COL14A1: variants seen among roughly 807,000 people sequenced by gnomAD.
COL14A1 encodes collagen alpha-1(XIV) chain.
COL14A1 carries 136 observed loss-of-function variants against 230.3 expected under a neutral mutation model. That is an observed-to-expected ratio of 0.59 (90% confidence interval 0.51 to 0.68). The LOEUF (loss-of-function observed/expected upper bound fraction) is 0.68. Ranked by LOEUF, COL14A1 falls within the 30% of genes least tolerant of loss-of-function variation. The pLI is 0.00. For missense variants in COL14A1, 1,976 were observed against 2,215.8 expected (o/e 0.89, Z 2.17); for synonymous variants, 792 against 784.1 (o/e 1.01, Z -0.17).
intron 25 of COL14A1, among the ~76,000 whole-genome samples, chr8:120,268,742 C>A (rs1163593628): frequency 6.6e-6 from 1 of 151,630 alleles, no homozygotes; most frequent in African/African-American, 2.4e-5. Context: ...CTTTCTACCC[C>A]AGAGGTAACT....
At chr8:120,276,111 G>GTT (rs955368453) in intron 26 of COL14A1, among the ~76,000 whole-genome samples, 2 of 149,852 alleles carry the variant, frequency 1.3e-5, no homozygotes, top group Non-Finnish European at 3.0e-5. Context: ...TAAAGACAAT[G>GTT]TTATATATAT....
Position 120,226,781 on chromosome 8 carries a change from A to G in COL14A1, c.2004+15A>G. The G allele has an allele frequency of 6.2e-7, 1 of 1,610,698 alleles. No individual in the cohort carries two copies. Among genetic ancestry groups the G allele is most frequent in the Non-Finnish European group, 8.5e-7 (1 of 1,177,762 alleles). ...AGACTGAGGAGGTGAGTTTTCTGAA[A>G]CAGACTGAAAATTAATCTGGAGCAT... On this transcript the variant is annotated intron_variant, in intron 16 of 47. Transcript: ENST00000297848.
intron 4 of COL14A1, among the ~76,000 whole-genome samples, chr8:120,166,908 G>GTGTGTGTC (rs1815906173): frequency 6.7e-6 from 1 of 149,510 alleles, no homozygotes; most frequent in Non-Finnish European, 1.5e-5. Context: ...GTGTGTGTGT[G>GTGTGTGTC]TGTGTGTGTG....
At chr8:120,227,639 C>A (rs951918187) in intron 17 of COL14A1, among the ~76,000 whole-genome samples, 3 of 152,016 alleles carry the variant, frequency 2.0e-5, no homozygotes, top group African/African-American at 7.3e-5. Flanking sequence ...AGAGTAAACA[C>A]CCATCAAATG....
chr8:120,263,098 A>T (rs566736954), intron 24 of COL14A1, 84 bp downstream of exon 24: 1 of 1,407,804 alleles, frequency 7.1e-7, no homozygotes, highest in South Asian at 1.6e-5. Context: ...CCCATTTAGA[A>T]AAATATTAGC....
chr8:120,160,494 C>T (rs185830284), intron 3 of COL14A1, among the ~76,000 whole-genome samples: 4 of 152,294 alleles, frequency 2.6e-5, no homozygotes, highest in Admixed American at 2.6e-4. Flanking sequence ...CTTCAATCCT[C>T]TCTTGAAGAG....
chr8:120,233,830 A>C (rs1381831557), intron 19 of COL14A1, among the ~76,000 whole-genome samples: 2 of 152,214 alleles, frequency 1.3e-5, no homozygotes, highest in Admixed American at 6.5e-5. Context: ...TGAAATTTAA[A>C]GTAGTTTTTT....
chr8:120,213,286 A>G (rs1294253421), intron 13 of COL14A1, among the ~76,000 whole-genome samples: 2 of 152,202 alleles, frequency 1.3e-5, no homozygotes, highest in African/African-American at 4.8e-5. Context: ...CTTACCACAT[A>G]CTATTAAAAT....
chr8:120,311,420 G>A (rs1388685469), intron 37 of COL14A1, among the ~76,000 whole-genome samples: 5 of 152,140 alleles, frequency 3.3e-5, no homozygotes, highest in Admixed American at 1.3e-4. Context: ...AAATGAGTTC[G>A]TAGATGTTTG....
intron 1 of COL14A1, among the ~76,000 whole-genome samples, chr8:120,137,440 T>C (rs998372273): frequency 3.3e-5 from 5 of 152,108 alleles, no homozygotes; most frequent in Non-Finnish European, 2.9e-5. Context: ...TCTACTAATG[T>C]TTTCTATTTC....
intron 46 of COL14A1, 67 bp from the exon 47 acceptor site, chr8:120,369,263 T>G: frequency 7.0e-7 from 1 of 1,432,080 alleles, no homozygotes; most frequent in Non-Finnish European, 9.2e-7. Context: ...GTTTACTTCT[T>G]GGTTGTCTCA....
chr8:120,373,218 A>AC lies in COL14A1; in HGVS notation c.*1988dup, dbSNP rs1350146911. On this transcript the variant is annotated 3_prime_UTR_variant, in exon 48 of 48. Transcript: ENST00000297848. ...AGTTTGTGTATAAATGGCGAAGTAT[A>AC]CACTATGAGAGATTCTAATCCATTC... is the stretch of plus-strand genomic sequence containing the variant. Among the ~76,000 whole-genome samples, 1 of 152,046 alleles carries AC rather than the reference A, an allele frequency of 6.6e-6. No homozygotes were observed. The highest frequency in any genetic ancestry group is 1.5e-5 in the Non-Finnish European group (1 of 68,040).
intron 19 of COL14A1, among the ~76,000 whole-genome samples, chr8:120,238,933 G>A (rs1818535256): frequency 6.6e-6 from 1 of 152,184 alleles, no homozygotes; most frequent in African/African-American, 2.4e-5. Flanking sequence ...TCCATGGGCT[G>A]CACCCACTGT....
At chr8:120,150,694 A>G (rs958823106) in intron 2 of COL14A1, among the ~76,000 whole-genome samples, 1 of 152,164 alleles carries the variant, frequency 6.6e-6, no homozygotes, top group African/African-American at 2.4e-5. Context: ...GAGTTTAAAC[A>G]AGTAGAAGAC....
At chr8:120,265,132 A>G (rs973658636) in intron 24 of COL14A1, among the ~76,000 whole-genome samples, 1 of 152,104 alleles carries the variant, frequency 6.6e-6, no homozygotes, top group African/African-American at 2.4e-5. Context: ...CCACATATAG[A>G]ATATAAACAT....
chr8:120,320,296 A>G (rs1821393571), intron 40 of COL14A1, among the ~76,000 whole-genome samples: 1 of 152,212 alleles, frequency 6.6e-6, no homozygotes. Context: ...CTGGACATTT[A>G]TAATATTTTA....
intron 5 of COL14A1, among the ~76,000 whole-genome samples, chr8:120,191,107 T>G (rs1250665761): frequency 7.2e-6 from 1 of 139,092 alleles, no homozygotes; most frequent in African/African-American, 2.8e-5. Context: ...TGTTTGCTCT[T>G]GCTTTTCTAG....
intron 19 of COL14A1, among the ~76,000 whole-genome samples, chr8:120,238,459 C>G (rs905953742): frequency 2.2e-4 from 33 of 152,140 alleles, no homozygotes; most frequent in African/African-American, 6.8e-4. Context: ...CCCCTCCCCC[C>G]ACCAAGCTCG....
intron 3 of COL14A1, 118 bp downstream of exon 3, chr8:120,158,364 T>C (rs1180802001): frequency 2.9e-6 from 2 of 696,390 alleles, no homozygotes; most frequent in Admixed American, 5.0e-5. Context: ...GTTTGTTTAA[T>C]CTTCAGTGTT....
Sources: allele counts gnomAD v4.1 joint callset (sites outside exome capture counted in the v4.1 genomes callset), GRCh38; gene constraint gnomAD v4.1.1; transcripts MANE v1.5; gene names NCBI Gene and HGNC (gene_info 2026-07-23, HGNC 2026-07-21).